The following IP6K2 variants were observed in gnomAD, a reference collection of about 807,000 sequenced individuals.
IP6K2 encodes inositol hexakisphosphate kinase 2.
In IP6K2, 9 loss-of-function variants were observed where a neutral mutation model predicts 43.3. The ratio of observed to expected loss-of-function variants is 0.21; its 90% CI spans 0.13 to 0.36. The LOEUF is 0.36. Ranked by LOEUF, IP6K2 falls within the 10% of genes least tolerant of loss-of-function variation. The pLI, the probability that IP6K2 is intolerant of heterozygous loss-of-function variation, is 1.00. For missense variants in IP6K2, 332 were observed against 538.4 expected (o/e 0.62, Z 3.79); for synonymous variants, 209 against 202.4 (o/e 1.03, Z -0.28).
rs369011363 is a variant in IP6K2 at position 48,695,296 on chromosome 3, C to T, written c.-5G>A. The T allele has an allele frequency of 1.9e-5, 30 of 1,599,168 alleles. No individual in the cohort carries two copies. The highest frequency in any genetic ancestry group is 2.4e-5 in the Non-Finnish European group (28 of 1,170,006). On this transcript the variant is annotated 5_prime_UTR_variant, in exon 2 of 6. Transcript: ENST00000328631. The surrounding 1 kb of genome is among the most constrained non-coding windows in gnomAD (Gnocchi z 4.6). ...GGCCCTGAAGGCTGGGCTCATCCTCCGGGCGCAGATGGCGGGGAGATGGGG... is the reference window on the plus strand; with the variant it reads ...GGCCCTGAAGGCTGGGCTCATCCTCTGGGCGCAGATGGCGGGGAGATGGGG...
At chr3:48,694,945 C>CAGG in intron 2 of IP6K2, 145 bp downstream of exon 2, 1 of 1,568,246 alleles carries the variant, frequency 6.4e-7, no homozygotes, top group South Asian at 1.2e-5. Flanking sequence ...GGCTGAGGGC[C>CAGG]AGGAGGAGGA....
intron 1 of IP6K2, chr3:48,715,393 G>A (rs764866495): frequency 6.5e-7 from 1 of 1,536,260 alleles, no homozygotes; most frequent in Non-Finnish European, 8.7e-7. Context: ...GCTTACAGAA[G>A]GCTCTGGCAT....
At chr3:48,691,937 C>T (rs1193429057) in intron 3 of IP6K2, among the ~76,000 whole-genome samples, 1 of 152,074 alleles carries the variant, frequency 6.6e-6, no homozygotes, top group Non-Finnish European at 1.5e-5. Flanking sequence ...CCTACGCCTC[C>T]CGGTTCTAGA....
At chr3:48,716,959 G>A (rs1232782692) in intron 1 of IP6K2, 198 bp downstream of exon 1, 3 of 152,204 alleles carry the variant, frequency 2.0e-5, no homozygotes, top group Admixed American at 6.6e-5. Context: ...ATGATCAGAA[G>A]AAAAACCCTC....
chr3:48,694,881 A>G (rs1269387316), intron 2 of IP6K2: 2 of 1,539,074 alleles, frequency 1.3e-6, no homozygotes, highest in South Asian at 2.4e-5. Context: ...CCACACAACA[A>G]AACAGAATTG....
At chr3:48,706,871 A>G (rs1186661781) in intron 1 of IP6K2, among the ~76,000 whole-genome samples, 3 of 152,180 alleles carry the variant, frequency 2.0e-5, no homozygotes, top group Non-Finnish European at 4.4e-5. Context: ...AAATGTAGGG[A>G]GGTAAGTACT....
chr3:48,715,414 AG>A, intron 1 of IP6K2: 1 of 1,536,256 alleles, frequency 6.5e-7, no homozygotes, highest in Non-Finnish European at 8.7e-7. Flanking sequence ...CCCTCTTGGA[AG>A]GGAGACTGGC....
rs2077517880 is a variant in IP6K2, at chr3:48,688,565, G to A, written c.989C>T (p.Ser330Phe). 1 of 1,614,196 alleles carries A rather than the reference G, an allele frequency of 6.2e-7. No homozygotes were observed. Among genetic ancestry groups the A allele is most frequent in the East Asian group, 2.2e-5 (1 of 44,882 alleles). Residue 330 changes from serine (S) to phenylalanine (F), a missense_variant, in exon 6 of 6, where the codon TCC (serine) becomes TTC (phenylalanine). Coordinates refer to ENST00000328631, the MANE Select transcript of IP6K2 (RefSeq NM_016291.4). This position sits in a 1 kb window ranked among gnomAD's most constrained non-coding sequence, Gnocchi z 5.1. The part of the protein sequence containing the change: ...RQESYRFYSS[S>F]LLVIYDGKER... The stretch of plus-strand genomic sequence containing the variant: ...CTTGCCATCATAAATGACCAGCAGG[G>A]AGCTTGAGTAGAAGCGGTAGGACTC...
chr3:48,716,532 C>G (rs964537954), intron 1 of IP6K2: 1 of 152,134 alleles, frequency 6.6e-6, no homozygotes, highest in East Asian at 1.9e-4. Flanking sequence ...TGTAATCAAA[C>G]GTAAAGAGTG....
chr3:48,688,581 G>A lies in IP6K2; in HGVS notation c.973C>T (p.Arg325Cys). 2 of 1,614,194 alleles carry A rather than the reference G, an allele frequency of 1.2e-6. No homozygotes were observed. Among genetic ancestry groups the A allele is most frequent in the Non-Finnish European group, 1.7e-6 (2 of 1,180,042 alleles). ...KAVLERQESY[R>C]FYSSSLLVIY... Reference sequence around the variant, plus strand: ...ACCAGCAGGGAGCTTGAGTAGAAGCGGTAGGACTCCTGTCGCTCCAACACT... The same window carrying A: ...ACCAGCAGGGAGCTTGAGTAGAAGCAGTAGGACTCCTGTCGCTCCAACACT... Residue 325 changes from arginine to cysteine, a missense_variant, in exon 6 of 6, where the codon CGC (arginine) becomes TGC (cysteine). Arg to Cys is a radical substitution (Grantham distance 180). Transcript: ENST00000328631. This position sits in a 1 kb window ranked among gnomAD's most constrained non-coding sequence, Gnocchi z 5.1.
intron 1 of IP6K2, among the ~76,000 whole-genome samples, chr3:48,705,477 G>C (rs1481643462): frequency 6.6e-6 from 1 of 152,032 alleles, no homozygotes; most frequent in African/African-American, 2.4e-5. Context: ...AAGAGATCGA[G>C]ACCAGACTGG....
At chr3:48,694,569 G>C in intron 2 of IP6K2, 1 of 1,523,782 alleles carries the variant, frequency 6.6e-7, no homozygotes, top group Non-Finnish European at 8.8e-7. Context: ...TATCATATGT[G>C]AATCGAAGGG....
At chr3:48,689,481 C>T in intron 5 of IP6K2, 57 bp downstream of exon 5, 1 of 1,544,198 alleles carries the variant, frequency 6.5e-7, no homozygotes, top group Non-Finnish European at 8.8e-7. Flanking sequence ...AGGACTATAC[C>T]AGGGTGGGGA....
At chr3:48,707,779 G>A (rs1247598769) in intron 1 of IP6K2, among the ~76,000 whole-genome samples, 2 of 152,142 alleles carry the variant, frequency 1.3e-5, no homozygotes, top group Non-Finnish European at 2.9e-5. Flanking sequence ...TTTAACTGGA[G>A]TGATTACATG....
chr3:48,703,198 C>T (rs756329077), intron 1 of IP6K2, among the ~76,000 whole-genome samples: 2 of 152,104 alleles, frequency 1.3e-5, no homozygotes, highest in South Asian at 2.1e-4. Flanking sequence ...CTTAATGTAA[C>T]GACAACTAAC....
intron 1 of IP6K2, among the ~76,000 whole-genome samples, chr3:48,714,796 C>T (rs1182220380): frequency 3.6e-5 from 5 of 139,164 alleles, no homozygotes; most frequent in Non-Finnish European, 7.5e-5. Context: ...TGCAGTGAGC[C>T]GAGATCGCAC....
chr3:48,712,757 C>G, intron 1 of IP6K2, among the ~76,000 whole-genome samples: 1 of 151,962 alleles, frequency 6.6e-6, no homozygotes, highest in East Asian at 2.0e-4. Flanking sequence ...TGGCTCACAC[C>G]TGTAATCCCA....
chr3:48,692,659 G>A (rs2077899639), intron 3 of IP6K2, among the ~76,000 whole-genome samples: 1 of 152,222 alleles, frequency 6.6e-6, no homozygotes. Context: ...TAAAAGGATG[G>A]CTCCTCTCTT....
At chr3:48,690,781 C>CT (rs1322811082) in intron 4 of IP6K2, among the ~76,000 whole-genome samples, 1 of 134,704 alleles carries the variant, frequency 7.4e-6, no homozygotes, top group Non-Finnish European at 1.6e-5. Context: ...GAGCAAGACT[C>CT]TGTCTCAAAA....
Sources: allele counts gnomAD v4.1 joint callset (sites outside exome capture counted in the v4.1 genomes callset), GRCh38; gene constraint gnomAD v4.1.1; non-coding constraint Gnocchi (gnomAD v3.1); transcripts MANE v1.5; gene names NCBI Gene and HGNC (gene_info 2026-07-23, HGNC 2026-07-21).